DLG1: variants seen among roughly 807,000 people sequenced by gnomAD.
The protein encoded by DLG1 is discs large MAGUK scaffold protein 1.
In DLG1, 42 loss-of-function variants were observed where a neutral mutation model predicts 123.4. The ratio of observed to expected loss-of-function variants is 0.34; its 90% CI spans 0.27 to 0.44. The LOEUF (loss-of-function observed/expected upper bound fraction) is 0.44. Among genes scored for constraint, DLG1 ranks in the 20% least tolerant of loss-of-function variants. DLG1 has a pLI of 1.00. For synonymous variants in DLG1, 317 were observed against 356.2 expected (o/e 0.89, Z 1.24); for missense variants, 942 against 1,082.6 (o/e 0.87, Z 1.82).
intron 14 of DLG1, among the ~76,000 whole-genome samples, chr3:197,102,928 G>T (rs570790701): frequency 1.3e-5 from 2 of 152,102 alleles, no homozygotes; most frequent in Non-Finnish European, 2.9e-5. Context: ...AAAGTCGAGG[G>T]GTGCAGGAAA....
At chr3:197,171,760 A>T (rs966843307) in intron 5 of DLG1, among the ~76,000 whole-genome samples, 2 of 152,214 alleles carry the variant, frequency 1.3e-5, no homozygotes, top group Non-Finnish European at 2.9e-5. Context: ...AAGTAAACAG[A>T]CACTAAAACT....
intron 5 of DLG1, among the ~76,000 whole-genome samples, chr3:197,158,109 T>C (rs1035775304): frequency 2.0e-5 from 3 of 151,952 alleles, no homozygotes; most frequent in African/African-American, 7.3e-5. Context: ...AACACCCTAA[T>C]TAAAAAATGG....
intron 3 of DLG1, 98 bp downstream of exon 3, chr3:197,296,248 A>C: frequency 8.3e-7 from 1 of 1,200,510 alleles, no homozygotes; most frequent in Non-Finnish European, 1.2e-6. Context: ...CGAATGCCTC[A>C]GAGAATTAAG....
chr3:197,154,437 A>T (rs1795404777), intron 5 of DLG1, among the ~76,000 whole-genome samples: 1 of 152,192 alleles, frequency 6.6e-6, no homozygotes, highest in African/African-American at 2.4e-5. Flanking sequence ...GCACTTTGGG[A>T]GACTGAGGTG....
At chr3:197,164,606 C>T (rs995485239) in intron 5 of DLG1, among the ~76,000 whole-genome samples, 13 of 151,672 alleles carry the variant, frequency 8.6e-5, no homozygotes, top group Admixed American at 7.2e-4. Flanking sequence ...AAAATGAAAA[C>T]TCTATGAGAT....
Position 197,297,168 on chromosome 3 carries a change from T to TA in DLG1, c.19+17dup, listed in dbSNP as rs928125818. 6.2e-7 allele frequency: 1 copy of TA among 1,613,944 alleles called. No individual in the cohort carries two copies. The highest frequency in any genetic ancestry group is 1.3e-5 in the African/African-American group (1 of 74,906). ...AAGCAAGTGACATCGACAACAGAGTTACGGAATAAACTCTCACCTTGCTTC... is the reference window on the plus strand; with the variant it reads ...AAGCAAGTGACATCGACAACAGAGTTAACGGAATAAACTCTCACCTTGCTTC... On this transcript the variant is annotated intron_variant, in intron 2 of 24. Coordinates refer to ENST00000667157, the MANE Select transcript of DLG1 (RefSeq NM_001366207.1).
chr3:197,066,625 G>T lies in DLG1; in HGVS notation c.2098+79C>A. 4 of 1,068,124 alleles carry T rather than the reference G, an allele frequency of 3.7e-6. No homozygotes were observed. In the South Asian group the frequency reaches 4.8e-5, roughly 13 times the overall value. 66.2% of individuals were successfully genotyped at this position (1,068,124 alleles called of 1,614,324 possible). Reference sequence around the variant, plus strand: ...AAAAATTTTAATACAACATTTTTTGGGGTATGAGAATTTTTTTCCCCCAAA... The same window carrying T: ...AAAAATTTTAATACAACATTTTTTGTGGTATGAGAATTTTTTTCCCCCAAA... On this transcript the variant is annotated intron_variant, in intron 20 of 24. Transcript: ENST00000667157.
At chr3:197,273,463 C>A (rs1414971769) in intron 4 of DLG1, among the ~76,000 whole-genome samples, 1 of 152,004 alleles carries the variant, frequency 6.6e-6, no homozygotes, top group Non-Finnish European at 1.5e-5. Context: ...GTTTCGAACT[C>A]CTGACCTCAA....
At chr3:197,198,758 T>TA (rs1268246644) in intron 4 of DLG1, among the ~76,000 whole-genome samples, 2 of 151,614 alleles carry the variant, frequency 1.3e-5, no homozygotes, top group East Asian at 1.9e-4. Context: ...AGGACCATAA[T>TA]AAAAAAAAGA....
chr3:197,156,484 T>C (rs1796470093), intron 5 of DLG1, among the ~76,000 whole-genome samples: 3 of 151,930 alleles, frequency 2.0e-5, no homozygotes, highest in South Asian at 4.1e-4. Context: ...TAAATGTAAA[T>C]AAACTCTTCA....
chr3:197,126,978 T>C (rs892956839), intron 11 of DLG1, among the ~76,000 whole-genome samples: 3 of 152,300 alleles, frequency 2.0e-5, no homozygotes, highest in African/African-American at 7.2e-5. Flanking sequence ...CAAAAGCAGG[T>C]TATACCCAGT....
intron 17 of DLG1, among the ~76,000 whole-genome samples, chr3:197,080,243 A>T (rs188713189): frequency 9.7e-5 from 14 of 144,218 alleles, no homozygotes; most frequent in Non-Finnish European, 1.7e-4. Context: ...TCTAAAATAT[A>T]TGATGAAAGA....
In DLG1 at chr3:197,065,003, A is replaced by G. The variant is rs115021272; in HGVS notation, c.2373+273T>C. 4.5e-3 allele frequency among the ~76,000 whole-genome samples: 682 copies of G among 151,980 alleles called. 5 individuals are homozygous for G. The highest frequency in any genetic ancestry group is 0.016 in the African/African-American group (658 of 41,432). ...TCCTTTTAATATATGCTGGAGAGCTAGGCCTAAACAAAAGGTCTATCTCTA... is the reference window on the plus strand; with the variant it reads ...TCCTTTTAATATATGCTGGAGAGCTGGGCCTAAACAAAAGGTCTATCTCTA... On this transcript the variant is annotated intron_variant, in intron 22 of 24. Coordinates refer to ENST00000667157, the MANE Select transcript of DLG1 (RefSeq NM_001366207.1).
intron 5 of DLG1, among the ~76,000 whole-genome samples, chr3:197,189,465 A>AT (rs1561348686): frequency 6.6e-6 from 1 of 152,166 alleles, no homozygotes; most frequent in African/African-American, 2.4e-5. Flanking sequence ...AATACACACA[A>AT]TTTTTTTCTG....
At chr3:197,183,736 G>A in intron 5 of DLG1, 1 of 1,550,546 alleles carries the variant, frequency 6.4e-7, no homozygotes, top group Non-Finnish European at 8.7e-7. Flanking sequence ...GCTGAGCCAT[G>A]GCTAGAGCTA....
At chr3:197,244,320 T>C (rs957831898) in intron 4 of DLG1, among the ~76,000 whole-genome samples, 1 of 152,156 alleles carries the variant, frequency 6.6e-6, no homozygotes, top group Non-Finnish European at 1.5e-5. Flanking sequence ...TCATGCCTGG[T>C]AGACTGGAGG....
intron 8 of DLG1, among the ~76,000 whole-genome samples, chr3:197,138,695 T>C (rs1430461921): frequency 6.6e-6 from 1 of 152,218 alleles, no homozygotes; most frequent in East Asian, 1.9e-4. Context: ...TGTGTAGGCA[T>C]TAAGACACAC....
At chr3:197,258,040 T>G (rs1757613200) in intron 4 of DLG1, among the ~76,000 whole-genome samples, 1 of 152,218 alleles carries the variant, frequency 6.6e-6, no homozygotes, top group Admixed American at 6.5e-5. Flanking sequence ...CCAAGCTGAT[T>G]AAAGTACATA....
chr3:197,233,864 A>G (rs1471936035), intron 4 of DLG1, among the ~76,000 whole-genome samples: 1 of 152,208 alleles, frequency 6.6e-6, no homozygotes, highest in Non-Finnish European at 1.5e-5. Context: ...CTCCTATCTC[A>G]TACAGTTTGC....
Sources: allele counts gnomAD v4.1 joint callset (sites outside exome capture counted in the v4.1 genomes callset), GRCh38; gene constraint gnomAD v4.1.1; transcripts MANE v1.5; gene names NCBI Gene and HGNC (gene_info 2026-07-23, HGNC 2026-07-21).